The following PTPRD variants were observed in gnomAD, a reference collection of about 807,000 sequenced individuals.
PTPRD encodes the protein protein tyrosine phosphatase receptor type D.
PTPRD carries 34 observed loss-of-function variants against 214.5 expected under a neutral mutation model. That is an observed-to-expected ratio of 0.16 (90% CI 0.12 to 0.21). PTPRD has a LOEUF of 0.21. PTPRD is among the 10% of genes least tolerant of loss of function. The probability of loss-of-function intolerance (pLI) is 1.00; values close to 1 mark genes in which losing one functional copy is unlikely to be tolerated. For missense variants in PTPRD, 2,545 were observed against 2,398.7 expected, an observed-to-expected ratio of 1.06 and a Z score of -1.27; for synonymous variants, 1,128 against 845.7, an observed-to-expected ratio of 1.33 and a Z score of -5.79.
At chr9:8,679,386 T>C (rs1419316721) in intron 12 of PTPRD, among the ~76,000 whole-genome samples, 2 of 152,212 alleles carry the variant, frequency 1.3e-5, no homozygotes, top group Non-Finnish European at 2.9e-5. Context: ...ATGAGAAAAA[T>C]GTGTGATCCT....
At chr9:8,426,749 C>G (rs2094702228) in intron 35 of PTPRD, among the ~76,000 whole-genome samples, 1 of 149,630 alleles carries the variant, frequency 6.7e-6, no homozygotes. Context: ...ACAAAAGGCT[C>G]TACTATGAAA....
intron 11 of PTPRD, among the ~76,000 whole-genome samples, chr9:8,785,258 A>G (rs1486900095): frequency 6.6e-6 from 1 of 152,202 alleles, no homozygotes; most frequent in Non-Finnish European, 1.5e-5. Context: ...AACACTAATC[A>G]ATGAAAGAGA....
intron 2 of PTPRD, among the ~76,000 whole-genome samples, chr9:10,473,577 T>C (rs573884780): frequency 3.3e-5 from 5 of 152,194 alleles, no homozygotes; most frequent in Admixed American, 6.6e-5. Context: ...CAGAACTAAA[T>C]TTACTCATTT....
chr9:9,993,534 G>C (rs2096020520), intron 4 of PTPRD, among the ~76,000 whole-genome samples: 1 of 152,042 alleles, frequency 6.6e-6, no homozygotes, highest in Admixed American at 6.5e-5. Context: ...ATAAAGTTGA[G>C]GATGCCAAAG....
chr9:8,525,025 C>T lies in PTPRD; in HGVS notation c.579G>A (p.Gln193=). The stretch of plus-strand genomic sequence containing the variant: ...GGTCAGACTCTTCACTCTGCTCAAT[C>T]TGAAGGGCTCCTGTATGGATATAAA... ...IGGTPIRGAL[Q]IEQSEESDQG... The change falls in exon 18 of 46, where the codon CAG becomes CAA. Residue 193 remains glutamine, a synonymous_variant. Transcript: ENST00000381196. 6.2e-7 allele frequency: 1 copy of T among 1,613,288 alleles called. No individual in the cohort carries two copies. Among genetic ancestry groups the T allele is most frequent in the Middle Eastern group, 1.7e-4 (1 of 6,048 alleles).
intron 2 of PTPRD, among the ~76,000 whole-genome samples, chr9:10,482,576 C>G (rs1397916762): frequency 6.6e-6 from 1 of 151,770 alleles, no homozygotes; most frequent in African/African-American, 2.4e-5. Context: ...GGAGAAGACC[C>G]CTCAAAAAGA....
chr9:10,584,662 G>C (rs1404663007), intron 2 of PTPRD, among the ~76,000 whole-genome samples: 1 of 152,024 alleles, frequency 6.6e-6, no homozygotes, highest in Non-Finnish European at 1.5e-5. Flanking sequence ...ACCTAGATTT[G>C]TGTCACTCAA....
At chr9:10,077,278 T>C (rs1259224678) in intron 3 of PTPRD, among the ~76,000 whole-genome samples, 1 of 152,158 alleles carries the variant, frequency 6.6e-6, no homozygotes, top group Non-Finnish European at 1.5e-5. Flanking sequence ...AACATGTTAC[T>C]TTTCTGTAAA....
At chr9:9,797,632 G>C (rs1004701203) in intron 5 of PTPRD, among the ~76,000 whole-genome samples, 13 of 152,014 alleles carry the variant, frequency 8.6e-5, no homozygotes, top group Non-Finnish European at 1.3e-4. Flanking sequence ...GATCGCCTGA[G>C]GTCAGGAGTT....
At chr9:9,546,801 T>C (rs1361272732) in intron 8 of PTPRD, among the ~76,000 whole-genome samples, 1 of 151,754 alleles carries the variant, frequency 6.6e-6, no homozygotes, top group Admixed American at 6.6e-5. Flanking sequence ...TTTTAAATCT[T>C]GAGAGTCATA....
intron 3 of PTPRD, among the ~76,000 whole-genome samples, chr9:10,039,294 T>A (rs1433579535): frequency 2.6e-5 from 4 of 152,152 alleles, no homozygotes; most frequent in Admixed American, 2.0e-4. Context: ...AGAAAGACCA[T>A]AATTTATTTG....
At chr9:10,557,756 G>T (rs577444448) in intron 2 of PTPRD, among the ~76,000 whole-genome samples, 12 of 152,104 alleles carry the variant, frequency 7.9e-5, no homozygotes, top group African/African-American at 2.9e-4. Context: ...ATAACTCCTC[G>T]GGAAGGGCTA....
intron 10 of PTPRD, among the ~76,000 whole-genome samples, chr9:9,143,113 C>T (rs925205525): frequency 6.6e-6 from 1 of 152,218 alleles, no homozygotes; most frequent in Non-Finnish European, 1.5e-5. Context: ...TTCTACTCCT[C>T]TCCCCTTTGC....
At chr9:10,498,712 A>C (rs1244284429) in intron 2 of PTPRD, among the ~76,000 whole-genome samples, 1 of 151,952 alleles carries the variant, frequency 6.6e-6, no homozygotes, top group Non-Finnish European at 1.5e-5. Flanking sequence ...AAATTTTCAC[A>C]CCAATAAACT....
chr9:9,638,317 T>A (rs1237061378), intron 7 of PTPRD, among the ~76,000 whole-genome samples: 3 of 152,190 alleles, frequency 2.0e-5, no homozygotes, highest in Non-Finnish European at 4.4e-5. Flanking sequence ...TGCTAGAGAC[T>A]TCTTCTGCCA....
chr9:10,354,810 G>T (rs2097246249), intron 2 of PTPRD, among the ~76,000 whole-genome samples: 1 of 152,082 alleles, frequency 6.6e-6, no homozygotes, highest in Admixed American at 6.6e-5. Context: ...CAGTTCTAAT[G>T]GAGAGAAGGA....
chr9:10,352,273 T>C (rs557513777), intron 2 of PTPRD, among the ~76,000 whole-genome samples: 7 of 152,196 alleles, frequency 4.6e-5, no homozygotes, highest in African/African-American at 1.4e-4. Flanking sequence ...ATTTTAATTA[T>C]ACAAACACTC....
chr9:8,709,248 C>T (rs1179625194), intron 12 of PTPRD, among the ~76,000 whole-genome samples: 1 of 152,050 alleles, frequency 6.6e-6, no homozygotes, highest in Admixed American at 6.6e-5. Context: ...GGCGCAGTGG[C>T]TCGCACCTGT....
intron 3 of PTPRD, among the ~76,000 whole-genome samples, chr9:10,118,666 T>C (rs573840116): frequency 6.6e-6 from 1 of 151,556 alleles, no homozygotes; most frequent in South Asian, 2.1e-4. Context: ...AAAAATGTAA[T>C]ATAATATAAA....
Sources: gnomAD v4.1 joint callset for allele counts (sites outside exome capture counted in the v4.1 genomes callset) on GRCh38, gnomAD v4.1.1 for gene constraint, MANE v1.5 for transcripts, NCBI Gene and HGNC (gene_info 2026-07-23, HGNC 2026-07-21) for gene names.